The following MAF variants were observed in gnomAD, a reference collection of about 807,000 sequenced individuals.
MAF encodes transcription factor Maf.
MAF carries 10 observed loss-of-function variants against 22.0 expected under a neutral mutation model. That is an observed-to-expected ratio of 0.45 (90% CI 0.28 to 0.77). The LOEUF is 0.77. Ranked by LOEUF, MAF falls within the 30% of genes least tolerant of loss-of-function variation. The probability of loss-of-function intolerance (pLI) is 0.12; values close to 1 mark genes in which losing one functional copy is unlikely to be tolerated. For synonymous variants in MAF, 337 were observed against 255.8 expected (o/e 1.32, Z -3.03); for missense variants, 544 against 548.4 (o/e 0.99, Z 0.08).
the MAF span, among the ~76,000 whole-genome samples, chr16:79,446,359 C>T: frequency 2.2e-4 from 33 of 152,106 alleles, no homozygotes; most frequent in Admixed American, 5.9e-4. Flanking sequence ...ATTGCCCCTG[C>T]CTTGCCTAGC....
the MAF span, among the ~76,000 whole-genome samples, chr16:79,261,468 CTT>C: frequency 1.3e-5 from 2 of 152,198 alleles, no homozygotes; most frequent in African/African-American, 2.4e-5. Flanking sequence ...TCTTTTAAGA[CTT>C]AGCACAGGAG....
chr16:79,569,776 C>A, the MAF span, among the ~76,000 whole-genome samples: 4 of 152,190 alleles, frequency 2.6e-5, no homozygotes, highest in African/African-American at 4.8e-5. Flanking sequence ...ATTTGAAAAG[C>A]TTTTCAGATG....
chr16:79,492,342 A>C, the MAF span, among the ~76,000 whole-genome samples: 1 of 152,144 alleles, frequency 6.6e-6, no homozygotes, highest in African/African-American at 2.4e-5. Context: ...TTAATACAAA[A>C]AGTCAAAACA....
the MAF span, among the ~76,000 whole-genome samples, chr16:79,447,759 G>C: frequency 6.6e-6 from 1 of 151,960 alleles, no homozygotes. Flanking sequence ...GAATTAGCAA[G>C]AGAACTTGAA....
chr16:79,361,664 T>A, the MAF span, among the ~76,000 whole-genome samples: 1 of 152,140 alleles, frequency 6.6e-6, no homozygotes, highest in South Asian at 2.1e-4. Context: ...AGAAATTACG[T>A]CTGCACGAAA....
At chr16:79,362,299 T>G in the MAF span, among the ~76,000 whole-genome samples, 1 of 152,214 alleles carries the variant, frequency 6.6e-6, no homozygotes, top group Non-Finnish European at 1.5e-5. Flanking sequence ...CAGCATCTGA[T>G]GACTATGCTT....
the MAF span, among the ~76,000 whole-genome samples, chr16:79,310,368 A>AGAGAGACAGAGAG: frequency 2.3e-4 from 35 of 150,876 alleles, no homozygotes; most frequent in African/African-American, 4.4e-4. Context: ...CGAGAGAGAG[A>AGAGAGACAGAGAG]TAGAGACAGA....
chr16:79,526,168 G>T, the MAF span, among the ~76,000 whole-genome samples: 1 of 152,188 alleles, frequency 6.6e-6, no homozygotes, highest in Non-Finnish European at 1.5e-5. Flanking sequence ...TAGACCAGCA[G>T]TCCCCAATCT....
chr16:79,474,505 G>A, the MAF span, among the ~76,000 whole-genome samples: 2 of 152,150 alleles, frequency 1.3e-5, no homozygotes, highest in Non-Finnish European at 2.9e-5. Flanking sequence ...GGGCTCAGGT[G>A]CTTTCTGCCA....
chr16:79,296,651 T>A, the MAF span, among the ~76,000 whole-genome samples: 152 of 152,184 alleles, frequency 1.0e-3, no homozygotes, highest in Non-Finnish European at 1.9e-3. Context: ...TTCCCGGATC[T>A]TCAAGTCTTT....
the MAF span, among the ~76,000 whole-genome samples, chr16:79,342,788 A>G: frequency 6.6e-6 from 1 of 152,260 alleles, no homozygotes; most frequent in Non-Finnish European, 1.5e-5. Context: ...AGATGTAAAA[A>G]GCAAGGCCTA....
the MAF span, among the ~76,000 whole-genome samples, chr16:79,245,525 T>G: frequency 6.6e-6 from 1 of 152,024 alleles, no homozygotes; most frequent in Non-Finnish European, 1.5e-5. Context: ...TCACACCAGT[T>G]AGAATGGCGA....
chr16:79,434,427 T>C, the MAF span, among the ~76,000 whole-genome samples: 1 of 152,156 alleles, frequency 6.6e-6, no homozygotes, highest in African/African-American at 2.4e-5. Flanking sequence ...CAATGTGAAG[T>C]CAACCAGCTT....
chr16:79,594,870 G>T, intron 1 of MAF: 1 of 1,218,706 alleles, frequency 8.2e-7, no homozygotes, highest in South Asian at 2.1e-5. Context: ...ATTTTCTAAA[G>T]TTTGGGGGCC....
chr16:79,356,606 G>C, the MAF span, among the ~76,000 whole-genome samples: 1 of 152,120 alleles, frequency 6.6e-6, no homozygotes, highest in South Asian at 2.1e-4. Flanking sequence ...GCTTTGCCCA[G>C]CTCTTTCCTT....
At chr16:79,246,409 C>G in the MAF span, among the ~76,000 whole-genome samples, 7 of 152,106 alleles carry the variant, frequency 4.6e-5, no homozygotes, top group East Asian at 1.4e-3. Flanking sequence ...ATCTGGCTAT[C>G]TTTCTTATTT....
chr16:79,509,748 C>G, the MAF span, among the ~76,000 whole-genome samples: 2 of 152,210 alleles, frequency 1.3e-5, no homozygotes, highest in African/African-American at 4.8e-5. Context: ...CTCTTTTAGG[C>G]CTGGTTTTGA....
At chr16:79,393,362 C>T in the MAF span, among the ~76,000 whole-genome samples, 2 of 152,182 alleles carry the variant, frequency 1.3e-5, no homozygotes, top group East Asian at 1.9e-4. Context: ...CAGGGCTGGC[C>T]AGCATTCCTG....
At chr16:79,429,878 C>T in the MAF span, among the ~76,000 whole-genome samples, 1 of 152,130 alleles carries the variant, frequency 6.6e-6, no homozygotes, top group East Asian at 1.9e-4. Context: ...AAGGTGTCAC[C>T]ATAATTTGTA....
Sources: gnomAD v4.1 joint callset for allele counts (sites outside exome capture counted in the v4.1 genomes callset) on GRCh38, gnomAD v4.1.1 for gene constraint, MANE v1.5 for transcripts, NCBI Gene and HGNC (gene_info 2026-07-23, HGNC 2026-07-21) for gene names.